Variants in MARK3 observed in about 807,000 individuals in gnomAD.
MARK3 encodes MAP/microtubule affinity-regulating kinase 3.
In MARK3, 46 loss-of-function variants were observed where a neutral mutation model predicts 90.1. The observed-to-expected ratio is 0.51, with a 90% CI of 0.40 to 0.65. The LOEUF (loss-of-function observed/expected upper bound fraction) is 0.65. Ranked by LOEUF, MARK3 falls within the 30% of genes least tolerant of loss-of-function variation. The probability of loss-of-function intolerance (pLI) is 0.00; values close to 1 mark genes in which losing one functional copy is unlikely to be tolerated. For synonymous variants in MARK3, 321 were observed against 332.6 expected, an observed-to-expected ratio of 0.97 and a Z score of 0.38; for missense variants, 818 against 947.2, an observed-to-expected ratio of 0.86 and a Z score of 1.79.
chr14:103,498,612 C>A, intron 16 of MARK3, 84 bp downstream of exon 16: 1 of 1,219,388 alleles, frequency 8.2e-7, no homozygotes, highest in Non-Finnish European at 1.1e-6. Context: ...GCTTTCTGGC[C>A]CTGTTTTTTC....
rs1354189267 is a variant in MARK3 at position 103,467,832 on chromosome 14, A to G, written c.1111-201A>G. 1.3e-5 allele frequency: 6 copies of G among 458,134 alleles called. No homozygotes were observed. The Admixed American group carries it at 2.4e-4, about 18-fold the overall frequency. 28.4% of individuals were successfully genotyped at this position (458,134 alleles called of 1,614,324 possible). A position where few individuals can be genotyped will look rare whatever the true frequency, so the allele number is the denominator to read the frequency against. On this transcript the variant is annotated intron_variant, in intron 11 of 17. Coordinates refer to ENST00000429436, the MANE Select transcript of MARK3 (RefSeq NM_001128918.3). ...GAGAAAGCCTGGAAAGAAAATCATA[A>G]ATACCTTACCTTTAGTGTCTTTCCA...
Position 103,405,211 on chromosome 14 carries a change from G to A in MARK3, c.187G>A (p.Gly63Ser), listed in dbSNP as rs1043117071. Residue 63 changes from glycine (G) to serine (S), a missense_variant, in exon 2 of 18, where the codon GGC becomes AGC. Physicochemically the swap from Gly to Ser is moderately conservative, Grantham distance 56. Around this residue, in one of 3 missense-constraint regions of MARK3, gnomAD observed 157 missense variants for 158.7 expected, o/e 0.99. Coordinates refer to ENST00000429436, the MANE Select transcript of MARK3 (RefSeq NM_001128918.3). ...AAACTACAGACTGTTGAAAACAATC[G>A]GCAAGGGGAATTTTGCAAAAGTAAA... ...IGNYRLLKTI[G>S]KGNFAKVKLA... 1.9e-6 allele frequency: 3 copies of A among 1,582,644 alleles called. No homozygotes were observed. Among genetic ancestry groups the A allele is most frequent in the Admixed American group, 1.9e-5 (1 of 52,250 alleles).
chr14:103,428,148 T>G lies in MARK3; in HGVS notation c.244-239T>G, dbSNP rs144018528. On this transcript the variant is annotated intron_variant, in intron 2 of 17. Coordinates refer to ENST00000429436, the MANE Select transcript of MARK3 (RefSeq NM_001128918.3). ...TAGGGGTGATGATATTCCTGCCTAT[T>G]AGGGTCTCTTGTATTTAGGGTAGGG... Among the ~76,000 whole-genome samples, 414 of 152,312 alleles carry G rather than the reference T, an allele frequency of 2.7e-3. 9 individuals carry two copies. The highest frequency in any genetic ancestry group is 4.1e-3 in the Admixed American group (62 of 15,302).
intron 2 of MARK3, among the ~76,000 whole-genome samples, chr14:103,419,975 G>A (rs1020589105): frequency 7.0e-6 from 1 of 142,564 alleles, no homozygotes; most frequent in Non-Finnish European, 1.6e-5. Flanking sequence ...GGAACATAGC[G>A]AGATCCTGTC....
At chr14:103,467,436 G>A (rs1416962160) in intron 11 of MARK3, 2 of 268,298 alleles carry the variant, frequency 7.5e-6, no homozygotes, top group Non-Finnish European at 1.4e-5. Context: ...AGGCCAAGGC[G>A]GACAGATCAC....
At chr14:103,429,614 AC>A (rs1043884454) in intron 3 of MARK3, among the ~76,000 whole-genome samples, 1 of 152,164 alleles carries the variant, frequency 6.6e-6, no homozygotes, top group African/African-American at 2.4e-5. Flanking sequence ...GTGATCTGCA[AC>A]CCATAATGGG....
chr14:103,400,444 A>G (rs1278549956), intron 1 of MARK3, among the ~76,000 whole-genome samples: 1 of 152,218 alleles, frequency 6.6e-6, no homozygotes, highest in East Asian at 1.9e-4. Context: ...GGCTGTATTC[A>G]GCATTTTTCA....
At chr14:103,436,185 G>C (rs888081992) in intron 3 of MARK3, among the ~76,000 whole-genome samples, 1 of 151,906 alleles carries the variant, frequency 6.6e-6, no homozygotes, top group Non-Finnish European at 1.5e-5. Flanking sequence ...CACCGTGCCC[G>C]GCAAAGTAAC....
At chr14:103,493,393 C>T (rs547904207) in intron 15 of MARK3, among the ~76,000 whole-genome samples, 6 of 151,664 alleles carry the variant, frequency 4.0e-5, no homozygotes, top group South Asian at 2.1e-4. Flanking sequence ...AGAAGTCAGA[C>T]GCATCAGAAG....
chr14:103,474,429 T>A (rs1272803635), intron 12 of MARK3, among the ~76,000 whole-genome samples: 1 of 151,476 alleles, frequency 6.6e-6, no homozygotes, highest in Non-Finnish European at 1.5e-5. Context: ...GTGGCAGGAA[T>A]GACTAGTGAC....
intron 1 of MARK3, among the ~76,000 whole-genome samples, chr14:103,395,219 AAAG>A (rs1441217523): frequency 6.6e-6 from 1 of 152,200 alleles, no homozygotes; most frequent in African/African-American, 2.4e-5. Flanking sequence ...ATGGAGCAAA[AAAG>A]AAGGAACAAC....
intron 1 of MARK3, among the ~76,000 whole-genome samples, chr14:103,404,488 T>C (rs2091159149): frequency 6.6e-6 from 1 of 151,872 alleles, no homozygotes; most frequent in Non-Finnish European, 1.5e-5. Context: ...GGTAGAGACA[T>C]ATTGAGTACT....
intron 1 of MARK3, among the ~76,000 whole-genome samples, chr14:103,389,509 CAG>C (rs2090064585): frequency 9.4e-6 from 1 of 106,702 alleles, no homozygotes. Flanking sequence ...GCCTGAGTGA[CAG>C]AGTAAGACTC....
intron 2 of MARK3, among the ~76,000 whole-genome samples, chr14:103,405,613 T>A (rs772650698): frequency 6.6e-6 from 1 of 152,144 alleles, no homozygotes; most frequent in Non-Finnish European, 1.5e-5. Context: ...AGTGCTGGGA[T>A]TACAGGCGTG....
At chr14:103,423,569 C>T (rs960960766) in intron 2 of MARK3, among the ~76,000 whole-genome samples, 2 of 152,182 alleles carry the variant, frequency 1.3e-5, no homozygotes, top group Non-Finnish European at 2.9e-5. Flanking sequence ...CTACACCTTT[C>T]TGAGGCACTG....
chr14:103,456,362 C>T (rs190055110), intron 5 of MARK3, among the ~76,000 whole-genome samples: 1 of 152,304 alleles, frequency 6.6e-6, no homozygotes, highest in Admixed American at 6.5e-5. Flanking sequence ...TGTAGTAGAG[C>T]CAGAGTCCTC....
intron 3 of MARK3, among the ~76,000 whole-genome samples, chr14:103,443,082 A>T (rs1018083336): frequency 1.3e-5 from 2 of 152,208 alleles, no homozygotes; most frequent in South Asian, 2.1e-4. Context: ...AAATTATTAT[A>T]AAGGAACCTT....
chr14:103,456,959 A>G (rs1169918497), intron 5 of MARK3, among the ~76,000 whole-genome samples, 183 bp from the exon 6 acceptor site: 1 of 152,222 alleles, frequency 6.6e-6, no homozygotes, highest in Non-Finnish European at 1.5e-5. Flanking sequence ...CAGCTTAAAG[A>G]TTTTGTTGGT....
At chr14:103,468,817 G>A (rs933021333) in intron 12 of MARK3, among the ~76,000 whole-genome samples, 2 of 147,380 alleles carry the variant, frequency 1.4e-5, no homozygotes, top group Non-Finnish European at 3.0e-5. Flanking sequence ...AAATGGAGAT[G>A]GGGGTCTCGC....
Sources: gnomAD v4.1 joint callset for allele counts (sites outside exome capture counted in the v4.1 genomes callset) on GRCh38, gnomAD v4.1.1 for gene constraint, gnomAD v4.1.1 regional missense constraint, MANE v1.5 for transcripts, NCBI Gene and HGNC (gene_info 2026-07-23, HGNC 2026-07-21) for gene names.